KCNQ1: variants seen among roughly 807,000 people sequenced by gnomAD.
KCNQ1 encodes potassium voltage-gated channel subfamily Q member 1.
KCNQ1 carries 49 observed loss-of-function variants against 72.4 expected under a neutral mutation model. The observed-to-expected ratio is 0.68, with a 90% CI of 0.54 to 0.86. The LOEUF (loss-of-function observed/expected upper bound fraction) is 0.86, where lower values mean the gene tolerates loss of function less well. Among genes scored for constraint, KCNQ1 ranks in the 40% least tolerant of loss-of-function variants. The pLI is 0.00. For synonymous variants in KCNQ1, 450 were observed against 412.6 expected (o/e 1.09, Z -1.10); for missense variants, 790 against 945.1 (o/e 0.84, Z 2.15).
chr11:2,661,906 G>A lies in KCNQ1; in HGVS notation c.1394-55G>A. On this transcript the variant is annotated intron_variant, in intron 10 of 15. Transcript: ENST00000155840. This position sits in a 1 kb window ranked among gnomAD's most constrained non-coding sequence, Gnocchi z 5.9. ...GGGAGCTCACAGGCCTGGCTCCACA[G>A]CACTGGCAGGTTGGGTGGGAGGCCT... 2 of 1,612,806 alleles carry A rather than the reference G, an allele frequency of 1.2e-6. No individual in the cohort carries two copies. Among genetic ancestry groups the A allele is most frequent in the East Asian group, 2.2e-5 (1 of 44,880 alleles).
intron 2 of KCNQ1, among the ~76,000 whole-genome samples, chr11:2,540,502 C>CCTGGAGGGATGA (rs907195340): frequency 6.6e-6 from 1 of 152,228 alleles, no homozygotes; most frequent in Admixed American, 6.5e-5. Flanking sequence ...CAACGGGATG[C>CCTGGAGGGATGA]CTGGTGGGAT....
chr11:2,734,609 T>G lies in KCNQ1; in HGVS notation c.1515-34235T>G, dbSNP rs1362255786. 6.7e-6 allele frequency among the ~76,000 whole-genome samples: 1 copy of G among 149,146 alleles called. No individual in the cohort carries two copies. The highest frequency in any genetic ancestry group is 1.5e-5 in the Non-Finnish European group (1 of 67,572). ...TGCTGGGTGGGGGATAACAGGGGTT[T>G]TCCGAGGCCCTGAAGGACTGGAGAG... On this transcript the variant is annotated intron_variant, in intron 11 of 15. Transcript: ENST00000155840. This position sits in a 1 kb window ranked among gnomAD's most constrained non-coding sequence, Gnocchi z 7.0.
rs755082727 is a variant in KCNQ1 at position 2,848,714 on chromosome 11, C to A, written c.*711C>A. 1 of 451,874 alleles carries A rather than the reference C, an allele frequency of 2.2e-6. No homozygotes were observed. The highest frequency in any genetic ancestry group is 4.4e-6 in the Non-Finnish European group (1 of 224,956). The allele number at this position is 451,874 out of a possible 1,614,324, so 28.0% of individuals were successfully genotyped here. ...TAGCTGGAGAGGAGCCCTGCCTCTC[C>A]GCCCCTGAGCCCACTGTGCGTGGGG... On this transcript the variant is annotated 3_prime_UTR_variant, in exon 16 of 16. Coordinates refer to ENST00000155840, the MANE Select transcript of KCNQ1 (RefSeq NM_000218.3).
chr11:2,510,524 T>G (rs963057087), intron 1 of KCNQ1, among the ~76,000 whole-genome samples: 1 of 152,144 alleles, frequency 6.6e-6, no homozygotes, highest in South Asian at 2.1e-4. Flanking sequence ...GGAGGATCAC[T>G]TGAGCCCAGG....
At chr11:2,454,559 T>C (rs900839577) in intron 1 of KCNQ1, among the ~76,000 whole-genome samples, 4 of 152,174 alleles carry the variant, frequency 2.6e-5, no homozygotes, top group Admixed American at 1.3e-4. Flanking sequence ...TATATTATTC[T>C]AAGAGTGCTG....
Position 2,659,703 on chromosome 11 carries a change from C to T in KCNQ1, c.1394-2258C>T, listed in dbSNP as rs1311261182. 1.3e-5 allele frequency: 5 copies of T among 398,352 alleles called. No homozygotes were observed. The highest frequency in any genetic ancestry group is 1.0e-4 in the African/African-American group (5 of 48,612). The allele number at this position is 398,352 out of a possible 1,614,324, so 24.7% of individuals were successfully genotyped here. On this transcript the variant is annotated intron_variant, in intron 10 of 15. Transcript: ENST00000155840. The surrounding 1 kb of genome is among the most constrained non-coding windows in gnomAD (Gnocchi z 4.3). ...TTCCTAAAGTCACTGTGCCATTTTG[C>T]ATTCCCACCAGTAACATATGAGAGT...
At position 2,574,857 on chromosome 11, in the gene KCNQ1, G is replaced by A. The variant is rs1194064732; in HGVS notation, c.921+1871G>A. On this transcript the variant is annotated intron_variant, in intron 6 of 15. Coordinates refer to ENST00000155840, the MANE Select transcript of KCNQ1 (RefSeq NM_000218.3). ...TCGGCCTCTTCCCGCCTTCCTGGGGGCCTGTGTCCCCGAAGGCCCCAGTGT... is the reference window on the plus strand; with the variant it reads ...TCGGCCTCTTCCCGCCTTCCTGGGGACCTGTGTCCCCGAAGGCCCCAGTGT... Among the ~76,000 whole-genome samples, 5 of 152,352 alleles carry A rather than the reference G, an allele frequency of 3.3e-5. No homozygotes were observed. In the East Asian group the frequency reaches 7.7e-4, roughly 24 times the overall value.
At chr11:2,510,813 G>A (rs78929099) in intron 1 of KCNQ1, among the ~76,000 whole-genome samples, 1,559 of 152,234 alleles carry the variant, frequency 0.01, 29 homozygotes, top group African/African-American at 0.036. Flanking sequence ...ACTCCTGGGC[G>A]TGGCCTTCCT....
At chr11:2,765,868 T>C (rs117653115) in intron 11 of KCNQ1, among the ~76,000 whole-genome samples, 2,530 of 152,322 alleles carry the variant, frequency 0.017, 113 homozygotes, top group East Asian at 0.13. Context: ...TTGTTTTTAA[T>C]CATGACAATC....
At position 2,750,290 on chromosome 11, in the gene KCNQ1, A is replaced by G. The variant is rs1302513583; in HGVS notation, c.1515-18554A>G. Among the ~76,000 whole-genome samples the G allele has an allele frequency of 6.6e-6, 1 of 152,198 alleles. No homozygotes were observed. The highest frequency in any genetic ancestry group is 1.5e-5 in the Non-Finnish European group (1 of 68,028). On this transcript the variant is annotated intron_variant, in intron 11 of 15. Coordinates refer to ENST00000155840, the MANE Select transcript of KCNQ1 (RefSeq NM_000218.3). This position sits in a 1 kb window ranked among gnomAD's most constrained non-coding sequence, Gnocchi z 6.3. The stretch of plus-strand genomic sequence containing the variant: ...GAGCCCTCAGCCCAGGGCGGAGGAC[A>G]TGGGAGACGGGGGTATAGCTGTTGG...
intron 1 of KCNQ1, among the ~76,000 whole-genome samples, chr11:2,469,705 G>A (rs569178913): frequency 2.0e-5 from 3 of 151,640 alleles, no homozygotes; most frequent in Non-Finnish European, 4.4e-5. Flanking sequence ...ACGGAGTCTC[G>A]CTCTGTCACC....
At chr11:2,629,188 A>G (rs1202003980) in intron 10 of KCNQ1, 1 of 398,216 alleles carries the variant, frequency 2.5e-6, no homozygotes, top group African/African-American at 2.1e-5. Context: ...TGAGTAGTAT[A>G]GCTATTTCGG....
chr11:2,476,941 G>T (rs1054319574), intron 1 of KCNQ1, among the ~76,000 whole-genome samples: 1 of 152,146 alleles, frequency 6.6e-6, no homozygotes, highest in African/African-American at 2.4e-5. Flanking sequence ...CACCCACCTC[G>T]GCCTCCCAAA....
chr11:2,688,629 T>C lies in KCNQ1; in HGVS notation c.1514+26548T>C, dbSNP rs945582266. The C allele has an allele frequency of 1.6e-4, 63 of 398,768 alleles. No homozygotes were observed. The East Asian group carries it at 2.2e-3, about 14-fold the overall frequency. 24.7% of individuals were successfully genotyped at this position (398,768 alleles called of 1,614,324 possible). ...CATCTTGTGCTGTGCCTGGGTGAGC[T>C]CTGGACCTGCCTCCTAAACATAGGG... On this transcript the variant is annotated intron_variant, in intron 11 of 15. Coordinates refer to ENST00000155840, the MANE Select transcript of KCNQ1 (RefSeq NM_000218.3).
At chr11:2,780,794 T>A (rs1475848781) in intron 15 of KCNQ1, among the ~76,000 whole-genome samples, 1 of 152,216 alleles carries the variant, frequency 6.6e-6, no homozygotes, top group East Asian at 1.9e-4. Flanking sequence ...TTCCTTGGTG[T>A]CCTGGCCAGG....
intron 11 of KCNQ1, among the ~76,000 whole-genome samples, chr11:2,753,592 T>A (rs1016768851): frequency 6.6e-6 from 1 of 152,200 alleles, no homozygotes; most frequent in African/African-American, 2.4e-5. Context: ...AGTATACACC[T>A]CAGTGGCTTT....
At position 2,768,924 on chromosome 11, in the gene KCNQ1, G is replaced by A. The variant is rs1472864180; in HGVS notation, c.1590+5G>A. 2.5e-6 allele frequency: 4 copies of A among 1,612,230 alleles called. No homozygotes were observed. Among genetic ancestry groups the A allele is most frequent in the Non-Finnish European group, 3.4e-6 (4 of 1,178,480 alleles). ...GTGGCCAAGAAGAAATTCCAGGTAA[G>A]CCCTGTGCTGAGCCTTCCTGCCCTC... On this transcript the variant is annotated splice_donor_5th_base_variant and intron_variant, in intron 12 of 15. Coordinates refer to ENST00000155840, the MANE Select transcript of KCNQ1 (RefSeq NM_000218.3). This position sits in a 1 kb window ranked among gnomAD's most constrained non-coding sequence, Gnocchi z 6.7.
At position 2,733,774 on chromosome 11, in the gene KCNQ1, CCACACA is replaced by C. The variant is rs144399150; in HGVS notation, c.1515-35034_1515-35029del. 6.3e-4 allele frequency among the ~76,000 whole-genome samples: 36 copies of C among 57,562 alleles called. 1 individual carries two copies. Among genetic ancestry groups the C allele is most frequent in the South Asian group, 4.7e-3 (6 of 1,272 alleles). 37.8% of individuals were successfully genotyped at this position (57,562 alleles called of 152,430 possible). Reference sequence around the variant, plus strand: ...GGGCAGGAGGGGGACTTCAGGCCTTCCACACACACACACACACACACACACACACAC... The same window carrying C: ...GGGCAGGAGGGGGACTTCAGGCCTTCCACACACACACACACACACACACAC... On this transcript the variant is annotated intron_variant, in intron 11 of 15. Transcript: ENST00000155840.
At chr11:2,597,197 G>T (rs1051462955) in intron 10 of KCNQ1, among the ~76,000 whole-genome samples, 2 of 152,102 alleles carry the variant, frequency 1.3e-5, no homozygotes, top group African/African-American at 4.8e-5. Context: ...CACTCTATGG[G>T]TATGTGTACA....
Sources: allele counts gnomAD v4.1 joint callset (sites outside exome capture counted in the v4.1 genomes callset), GRCh38; gene constraint gnomAD v4.1.1; non-coding constraint Gnocchi (gnomAD v3.1); transcripts MANE v1.5; gene names NCBI Gene and HGNC (gene_info 2026-07-23, HGNC 2026-07-21).